UTP25: variants seen among roughly 807,000 people sequenced by gnomAD.
The protein encoded by UTP25 is U3 small nucleolar RNA-associated protein 25 homolog.
Under a neutral mutation model 78.9 loss-of-function variants are expected in UTP25, and 50 were observed. That is an observed-to-expected ratio of 0.63 (90% CI 0.50 to 0.80). UTP25 has a LOEUF of 0.80. Among genes scored for constraint, UTP25 ranks in the 30% least tolerant of loss-of-function variants. UTP25 has a pLI of 0.00. For missense variants in UTP25, 846 were observed against 911.3 expected, an observed-to-expected ratio of 0.93 and a Z score of 0.92; for synonymous variants, 329 against 336.5, an observed-to-expected ratio of 0.98 and a Z score of 0.24.
In UTP25 at chr1:209,848,975, GGT is replaced by G. The variant is rs895795109; in HGVS notation, c.2028-2226_2028-2225del. 1.4e-4 allele frequency among the ~76,000 whole-genome samples: 21 copies of G among 152,064 alleles called. 1 individual carries two copies. The highest frequency in any genetic ancestry group is 5.1e-4 in the African/African-American group (21 of 41,398). ...AATTCCTCCAGCAGACAGTGGGCTTGGTGTAGGGTCTCGGGTGCTGGAGGGTT... is the reference window on the plus strand; with the variant it reads ...AATTCCTCCAGCAGACAGTGGGCTTGGTAGGGTCTCGGGTGCTGGAGGGTT... On this transcript the variant is annotated intron_variant, in intron 11 of 11. Transcript: ENST00000491415.
At position 209,851,478 on chromosome 1, in the gene UTP25, A is replaced by G. The variant is rs189590481; in HGVS notation, c.*31A>G. 1 of 1,569,492 alleles carries G rather than the reference A, an allele frequency of 6.4e-7. No individual in the cohort carries two copies. Among genetic ancestry groups the G allele is most frequent in the East Asian group, 2.2e-5 (1 of 44,488 alleles). ...TGTTGGGCAGGAAGTGGTATTTGGC[A>G]TGATACATAATGTTTGATTCTATGC... On this transcript the variant is annotated 3_prime_UTR_variant, in exon 12 of 12. Coordinates refer to ENST00000491415, the MANE Select transcript of UTP25 (RefSeq NM_014388.7).
intron 6 of UTP25, among the ~76,000 whole-genome samples, chr1:209,838,212 G>A (rs928046167): frequency 8.5e-5 from 13 of 152,188 alleles, no homozygotes; most frequent in East Asian, 7.7e-4. Context: ...GGTGAATTAC[G>A]TGATTTAACT....
chr1:209,836,944 AT>A lies in UTP25; in HGVS notation c.796del (p.Ser266LeufsTer19). ...GGACTAAGACCAACAGCCAGTTCCT[AT>A]CTGGTCCCCAAAAATCAAGCAGCCC... ...TWTKTNSQFL[S>X]GPQKSSSPFT... is the part of the protein sequence containing the mutation. On this transcript the variant is annotated frameshift_variant, in exon 6 of 12. Transcript: ENST00000491415. LOFTEE classifies it high-confidence loss of function. The A allele has an allele frequency of 6.2e-7, 1 of 1,614,082 alleles. No homozygotes were observed. Among genetic ancestry groups the A allele is most frequent in the Non-Finnish European group, 8.5e-7 (1 of 1,180,016 alleles).
At chr1:209,841,980 A>G (rs563108213) in intron 8 of UTP25, among the ~76,000 whole-genome samples, 11 of 152,168 alleles carry the variant, frequency 7.2e-5, no homozygotes, top group Non-Finnish European at 1.5e-4. Context: ...AGGGACCCAT[A>G]GAGAGACCAG....
At chr1:209,841,611 T>G (rs1436701833) in intron 8 of UTP25, among the ~76,000 whole-genome samples, 3 of 152,220 alleles carry the variant, frequency 2.0e-5, no homozygotes, top group South Asian at 2.1e-4. Flanking sequence ...ACTGAAAAAC[T>G]GCTTTGGAAC....
intron 3 of UTP25, among the ~76,000 whole-genome samples, chr1:209,832,793 A>G (rs1444282591): frequency 2.6e-5 from 4 of 152,208 alleles, no homozygotes; most frequent in Non-Finnish European, 5.9e-5. Flanking sequence ...CTGAGGTGGA[A>G]AAATCACTTG....
intron 11 of UTP25, 105 bp downstream of exon 11, chr1:209,843,801 C>A: frequency 7.1e-7 from 1 of 1,417,898 alleles, no homozygotes; most frequent in Non-Finnish European, 9.5e-7. Flanking sequence ...GAGATCATCC[C>A]TCACTCTCGC....
intron 2 of UTP25, 131 bp from the exon 3 acceptor site, chr1:209,830,672 A>G: frequency 7.1e-7 from 1 of 1,411,936 alleles, no homozygotes; most frequent in African/African-American, 1.4e-5. Flanking sequence ...TTCTAGAATC[A>G]TAGCTAGATT....
Position 209,842,614 on chromosome 1 carries a change from C to CGAT in UTP25, c.1700_1701insGAT (p.Ile568dup). On this transcript the variant is annotated inframe_insertion, in exon 10 of 12. Transcript: ENST00000491415. ...GTGAGGAATGTCCCAATGACAGGCTCTATCAGTCATGTCCTGGTGCAGCTC... is the reference window on the plus strand; with the variant it reads ...GTGAGGAATGTCCCAATGACAGGCTCGATTATCAGTCATGTCCTGGTGCAGCTC... 2 of 1,613,918 alleles carry CGAT rather than the reference C, an allele frequency of 1.2e-6. No homozygotes were observed. The highest frequency in any genetic ancestry group is 2.2e-5 in the South Asian group (2 of 91,026).
chr1:209,847,976 C>G (rs572201779), intron 11 of UTP25, among the ~76,000 whole-genome samples: 114 of 152,272 alleles, frequency 7.5e-4, no homozygotes, highest in African/African-American at 2.7e-3. Context: ...AGAGTCCAAT[C>G]TGGTTTCCTG....
intron 4 of UTP25, among the ~76,000 whole-genome samples, chr1:209,834,401 T>C (rs973309831): frequency 1.2e-4 from 19 of 152,158 alleles, no homozygotes; most frequent in African/African-American, 4.6e-4. Context: ...TTACTTGGAG[T>C]GCAGATGCTA....
chr1:209,841,569 T>C (rs1336573870), intron 8 of UTP25, among the ~76,000 whole-genome samples: 1 of 152,196 alleles, frequency 6.6e-6, no homozygotes, highest in Non-Finnish European at 1.5e-5. Flanking sequence ...TTTCTCCTTC[T>C]CCACACACTC....
chr1:209,842,776 AT>A (rs2102577597), intron 10 of UTP25, 81 bp downstream of exon 10: 1 of 1,063,768 alleles, frequency 9.4e-7, no homozygotes, highest in East Asian at 2.5e-5. Context: ...ATTGGATTCC[AT>A]TTTGCTTTTA....
chr1:209,828,215 C>CCT, intron 1 of UTP25, 45 bp downstream of exon 1: 1 of 1,486,026 alleles, frequency 6.7e-7, no homozygotes, highest in Non-Finnish European at 9.4e-7. Flanking sequence ...AGAGATGTAT[C>CCT]CTCGAGTTTG....
rs1179612903 is a variant in UTP25, at chr1:209,856,853, G to A, written c.*5406G>A. 1.3e-5 allele frequency: 2 copies of A among 152,308 alleles called. No individual in the cohort carries two copies. Among genetic ancestry groups the A allele is most frequent in the East Asian group, 1.9e-4 (1 of 5,188 alleles). The allele number at this position is 152,308 out of a possible 1,614,324, so 9.4% of individuals were successfully genotyped here. A position where few individuals can be genotyped will look rare whatever the true frequency, so the allele number is the denominator to read the frequency against. ...CCATTCCACACTGGATCCATAGAAC[G>A]AGGGAACACAAGTGTCTTCTCATAA... On this transcript the variant is annotated 3_prime_UTR_variant, in exon 12 of 12. Coordinates refer to ENST00000491415, the MANE Select transcript of UTP25 (RefSeq NM_014388.7).
chr1:209,845,973 C>T (rs1000127283), intron 11 of UTP25, among the ~76,000 whole-genome samples: 4 of 151,610 alleles, frequency 2.6e-5, no homozygotes, highest in Non-Finnish European at 5.9e-5. Flanking sequence ...TCTCGTGACT[C>T]AGCCTCCTGA....
rs191609351 is a variant in UTP25, at chr1:209,839,221, A to C, written c.1282+93A>C. 13 of 1,174,324 alleles carry C rather than the reference A, an allele frequency of 1.1e-5. No individual in the cohort carries two copies. The Admixed American group carries it at 1.4e-4, about 13-fold the overall frequency. The allele number at this position is 1,174,324 out of a possible 1,614,324, so 72.7% of individuals were successfully genotyped here. Reference sequence around the variant, plus strand: ...GAATTAGATATTTTCCCAGTGGATCACTCACTGTGCCTCTTTAACAGAACC... The same window carrying C: ...GAATTAGATATTTTCCCAGTGGATCCCTCACTGTGCCTCTTTAACAGAACC... On this transcript the variant is annotated intron_variant, in intron 7 of 11. Transcript: ENST00000491415.
intron 2 of UTP25, 104 bp downstream of exon 2, chr1:209,830,251 G>T: frequency 4.8e-6 from 5 of 1,046,842 alleles, no homozygotes; most frequent in Non-Finnish European, 6.9e-6. Flanking sequence ...TTTGATTTCA[G>T]ATGCAAGCTA....
rs1478780025 is a variant in UTP25 at position 209,855,438 on chromosome 1, A to G, written c.*3991A>G. On this transcript the variant is annotated 3_prime_UTR_variant, in exon 12 of 12. Coordinates refer to ENST00000491415, the MANE Select transcript of UTP25 (RefSeq NM_014388.7). ...ATGGTAGATAAAGGGGATGAGAAAG[A>G]ACAGAGCTCCAGGCCTTTTTCAAAC... The G allele has an allele frequency of 6.6e-6, 1 of 152,330 alleles. No individual in the cohort carries two copies. Among genetic ancestry groups the G allele is most frequent in the Non-Finnish European group, 1.5e-5 (1 of 68,116 alleles). 9.4% of individuals were successfully genotyped at this position (152,330 alleles called of 1,614,324 possible). A position where few individuals can be genotyped will look rare whatever the true frequency, so the allele number is the denominator to read the frequency against.
Sources: allele counts gnomAD v4.1 joint callset (sites outside exome capture counted in the v4.1 genomes callset), GRCh38; gene constraint gnomAD v4.1.1; transcripts MANE v1.5; gene names NCBI Gene and HGNC (gene_info 2026-07-23, HGNC 2026-07-21).